The following TRIM2 variants were observed in gnomAD, a reference collection of about 807,000 sequenced individuals.
TRIM2 encodes tripartite motif containing 2.
In TRIM2, 20 loss-of-function variants were observed where a neutral mutation model predicts 75.2. The ratio of observed to expected loss-of-function variants is 0.27; its 90% CI spans 0.19 to 0.39. TRIM2 has a LOEUF of 0.39. TRIM2 is among the 10% of genes least tolerant of loss of function. The pLI is 1.00. For missense variants in TRIM2, 660 were observed against 990.8 expected, an observed-to-expected ratio of 0.67 and a Z score of 4.48; for synonymous variants, 373 against 388.3, an observed-to-expected ratio of 0.96 and a Z score of 0.46.
At chr4:153,224,365 A>C (rs1355442558) in intron 1 of TRIM2, among the ~76,000 whole-genome samples, 3 of 152,184 alleles carry the variant, frequency 2.0e-5, no homozygotes, top group Non-Finnish European at 4.4e-5. Context: ...TGAGTTGGGC[A>C]GGGCCATCTA....
chr4:153,249,483 G>GT (rs1750266433), intron 1 of TRIM2, among the ~76,000 whole-genome samples: 1 of 152,264 alleles, frequency 6.6e-6, no homozygotes, highest in Non-Finnish European at 1.5e-5. Flanking sequence ...CATTTGCGAG[G>GT]TTCTCTCTGA....
intron 1 of TRIM2, among the ~76,000 whole-genome samples, chr4:153,231,774 A>G (rs937058616): frequency 1.3e-5 from 2 of 152,086 alleles, no homozygotes; most frequent in Non-Finnish European, 2.9e-5. Context: ...TCGTCCCTCC[A>G]TGCCTGTCTC....
At chr4:153,270,063 A>C (rs901656097) in intron 1 of TRIM2, among the ~76,000 whole-genome samples, 2 of 151,880 alleles carry the variant, frequency 1.3e-5, no homozygotes, top group Non-Finnish European at 2.9e-5. Flanking sequence ...TGAGTAGCTG[A>C]GGCAACAGGC....
At chr4:153,303,469 T>A (rs540233015) in intron 6 of TRIM2, among the ~76,000 whole-genome samples, 180 of 145,386 alleles carry the variant, frequency 1.2e-3, no homozygotes, top group African/African-American at 4.6e-3. Context: ...TGAGACTCCA[T>A]CTCAGAAAAA....
chr4:153,278,580 C>T (rs1412543156), intron 3 of TRIM2, among the ~76,000 whole-genome samples: 1 of 152,090 alleles, frequency 6.6e-6, no homozygotes, highest in Non-Finnish European at 1.5e-5. Context: ...AAGCCAATCG[C>T]TTGAGCCCAG....
At chr4:153,171,489 G>A (rs1201435768) in intron 1 of TRIM2, among the ~76,000 whole-genome samples, 1 of 152,174 alleles carries the variant, frequency 6.6e-6, no homozygotes, top group East Asian at 1.9e-4. Context: ...GGGAGGCTGA[G>A]GCAGAAGAAT....
At chr4:153,309,302 G>C (rs1016039487) in intron 6 of TRIM2, among the ~76,000 whole-genome samples, 2 of 150,244 alleles carry the variant, frequency 1.3e-5, no homozygotes, top group Non-Finnish European at 2.9e-5. Flanking sequence ...TCTTCCCCCT[G>C]TCTCTGATGA....
chr4:153,304,124 C>G (rs555262563), intron 6 of TRIM2, among the ~76,000 whole-genome samples: 1 of 151,758 alleles, frequency 6.6e-6, no homozygotes, highest in East Asian at 1.9e-4. Flanking sequence ...TTCTTTCTTT[C>G]TTTTTTTGAG....
At chr4:153,306,688 A>G (rs551845563) in intron 6 of TRIM2, among the ~76,000 whole-genome samples, 1 of 152,376 alleles carries the variant, frequency 6.6e-6, no homozygotes, top group African/African-American at 2.4e-5. Context: ...TCCATTCCCA[A>G]TAACCCTACA....
upstream of TRIM2, among the ~76,000 whole-genome samples, chr4:153,200,350 A>G (rs926012313): frequency 6.6e-6 from 1 of 152,160 alleles, no homozygotes; most frequent in Admixed American, 6.5e-5. Context: ...TTAGGGATTC[A>G]TCTTTGTTGT....
Position 153,308,717 on chromosome 4 carries a change from C to A in TRIM2, c.1511-6768C>A, listed in dbSNP as rs1044747641. Reference sequence around the variant, plus strand: ...AATGCACTTGGGAGTGTAGAGTGTTCACCCTCCAAGCTGAGCTTGCACAGG... The same window carrying A: ...AATGCACTTGGGAGTGTAGAGTGTTAACCCTCCAAGCTGAGCTTGCACAGG... On this transcript the variant is annotated intron_variant, in intron 6 of 11. Transcript: ENST00000338700. The A allele has an allele frequency of 5.4e-6, 3 of 553,244 alleles. No homozygotes were observed. The African/African-American group carries it at 5.7e-5, about 11-fold the overall frequency. The allele number at this position is 553,244 out of a possible 1,614,324, so 34.3% of individuals were successfully genotyped here. A position where few individuals can be genotyped will look rare whatever the true frequency, so the allele number is the denominator to read the frequency against.
intron 3 of TRIM2, among the ~76,000 whole-genome samples, chr4:153,282,482 C>A (rs185776298): frequency 3.3e-4 from 50 of 152,264 alleles, no homozygotes; most frequent in African/African-American, 1.1e-3. Context: ...CACTTGAGGC[C>A]AGGAGTTTGA....
At chr4:153,267,105 G>GGAATGTTTTTT (rs1308489936) in intron 1 of TRIM2, 1 of 149,768 alleles carries the variant, frequency 6.7e-6, no homozygotes, top group Non-Finnish European at 1.5e-5. Flanking sequence ...GGAAAAGAAT[G>GGAATGTTTTTT]TTTTCTTTAG....
intron 1 of TRIM2, among the ~76,000 whole-genome samples, chr4:153,231,462 G>A (rs1346429269): frequency 6.6e-6 from 1 of 152,124 alleles, no homozygotes; most frequent in Admixed American, 6.5e-5. Flanking sequence ...GGGCACAATG[G>A]GCATTGGGAA....
Position 153,335,036 on chromosome 4 carries a change from C to T in TRIM2, c.*70C>T. On this transcript the variant is annotated 3_prime_UTR_variant, in exon 12 of 12. Transcript: ENST00000338700. ...CTGGAATGGATTTCTCAATGCGGGA[C>T]CAGATTATGACTAGAGTTTTTATGC... 2 of 1,425,900 alleles carry T rather than the reference C, an allele frequency of 1.4e-6. No individual in the cohort carries two copies. The highest frequency in any genetic ancestry group is 1.9e-6 in the Non-Finnish European group (2 of 1,072,784). The allele number at this position is 1,425,900 out of a possible 1,614,324, so 88.3% of individuals were successfully genotyped here. A position where few individuals can be genotyped will look rare whatever the true frequency, so the allele number is the denominator to read the frequency against.
chr4:153,306,717 T>C (rs753746959), intron 6 of TRIM2, among the ~76,000 whole-genome samples: 33 of 152,236 alleles, frequency 2.2e-4, no homozygotes, highest in Admixed American at 7.9e-4. Context: ...TTTGTTATGC[T>C]GGAGCCAGGC....
chr4:153,285,758 TGC>T (rs1440138355), intron 3 of TRIM2, among the ~76,000 whole-genome samples: 2 of 136,472 alleles, frequency 1.5e-5, no homozygotes, highest in African/African-American at 6.2e-5. Context: ...TGAATGTGTG[TGC>T]GTGTGTGTGT....
chr4:153,307,910 A>G (rs993405128), intron 6 of TRIM2: 61 of 751,880 alleles, frequency 8.1e-5, no homozygotes, highest in African/African-American at 5.1e-4. Context: ...TCAGGACCTT[A>G]TCTTGAGTCC....
intron 1 of TRIM2, chr4:153,222,116 G>A (rs776232359): frequency 6.6e-5 from 8 of 121,256 alleles, no homozygotes; most frequent in African/African-American, 9.1e-5. Context: ...CTTCTTTTAC[G>A]GAGTAAAAAG....
Sources: gnomAD v4.1 joint callset for allele counts (sites outside exome capture counted in the v4.1 genomes callset) on GRCh38, gnomAD v4.1.1 for gene constraint, MANE v1.5 for transcripts, NCBI Gene and HGNC (gene_info 2026-07-23, HGNC 2026-07-21) for gene names.